PCBP3: variants seen among roughly 807,000 people sequenced by gnomAD.
The protein encoded by PCBP3 is poly(rC) binding protein 3.
A neutral mutation model predicts 52.7 loss-of-function variants in PCBP3; 25 were observed. The ratio of observed to expected loss-of-function variants is 0.47; its 90% CI spans 0.35 to 0.66. The LOEUF is 0.66. PCBP3 is among the 30% of genes least tolerant of loss of function. The probability of loss-of-function intolerance (pLI) is 0.01; values close to 1 mark genes in which losing one functional copy is unlikely to be tolerated. For synonymous variants in PCBP3, 162 were observed against 183.0 expected (o/e 0.89, Z 0.93); for missense variants, 391 against 490.3 (o/e 0.80, Z 1.91).
At chr21:45,810,968 A>G (rs920182885) in intron 4 of PCBP3, among the ~76,000 whole-genome samples, 2 of 152,194 alleles carry the variant, frequency 1.3e-5, no homozygotes, top group Non-Finnish European at 2.9e-5. Flanking sequence ...ATAATCTCAC[A>G]TTATCATTTT....
At chr21:45,896,172 C>A in intron 5 of PCBP3, 36 bp from the exon 6 acceptor site, 2 of 1,547,694 alleles carry the variant, frequency 1.3e-6, no homozygotes, top group South Asian at 2.4e-5. Context: ...GTCCGTGAGA[C>A]TCTTCTCTAG....
intron 11 of PCBP3, chr21:45,911,438 C>T (rs1307472621): frequency 2.8e-5 from 8 of 286,978 alleles, no homozygotes; most frequent in South Asian, 1.7e-4. Flanking sequence ...GGCTCCTCTG[C>T]GCATGCAGTT....
chr21:45,915,503 A>C (rs2073237760), intron 12 of PCBP3: 1 of 152,210 alleles, frequency 6.6e-6, no homozygotes, highest in African/African-American at 2.4e-5. Flanking sequence ...GTTTATACAA[A>C]CACATGTGGG....
In PCBP3 at chr21:45,791,070, T is replaced by A. The variant is rs2091512121; in HGVS notation, c.-126+35618T>A. On this transcript the variant is annotated intron_variant, in intron 4 of 17. Transcript: ENST00000681687. This position sits in a 1 kb window ranked among gnomAD's most constrained non-coding sequence, Gnocchi z 4.2. ...ATGGGGGTGGGCTCAGTAGAGGGGC[T>A]GGCTGGCCCACCGAGGCCAGCATCT... 6.6e-6 allele frequency among the ~76,000 whole-genome samples: 1 copy of A among 152,074 alleles called. No homozygotes were observed. Among genetic ancestry groups the A allele is most frequent in the Admixed American group, 6.5e-5 (1 of 15,276 alleles).
rs952277475 is a variant in PCBP3 at position 45,802,223 on chromosome 21, T to C, written c.-126+46771T>C. ...GCTGGGCGCTGTTTCTGCCCTGTCA[T>C]GCAAGTGGGCTGGGTGCAGAGGCTC... On this transcript the variant is annotated intron_variant, in intron 4 of 17. Coordinates refer to ENST00000681687, the MANE Select transcript of PCBP3 (RefSeq NM_001384156.1). The surrounding 1 kb of genome is among the most constrained non-coding windows in gnomAD (Gnocchi z 5.1). 3.3e-5 allele frequency among the ~76,000 whole-genome samples: 5 copies of C among 152,174 alleles called. No homozygotes were observed. Among genetic ancestry groups the C allele is most frequent in the Non-Finnish European group, 7.4e-5 (5 of 68,026 alleles).
intron 2 of PCBP3, among the ~76,000 whole-genome samples, chr21:45,686,379 C>G (rs2082154036): frequency 6.6e-6 from 1 of 152,164 alleles, no homozygotes; most frequent in Non-Finnish European, 1.5e-5. Context: ...GTAAAAGATA[C>G]TGTACATCCA....
At chr21:45,662,903 G>T (rs868602565) in intron 1 of PCBP3, among the ~76,000 whole-genome samples, 1 of 152,028 alleles carries the variant, frequency 6.6e-6, no homozygotes, top group African/African-American at 2.4e-5. Context: ...ACTGGGAAAG[G>T]GAGTCTCCCT....
chr21:45,941,596 C>T lies in PCBP3; in HGVS notation c.1080-74C>T, dbSNP rs147217032. 1,054 of 1,380,268 alleles carry T rather than the reference C, an allele frequency of 7.6e-4. 8 individuals are homozygous for T. The African/African-American group carries it at 0.013, about 18-fold the overall frequency. 85.5% of individuals were successfully genotyped at this position (1,380,268 alleles called of 1,614,324 possible). A position where few individuals can be genotyped will look rare whatever the true frequency, so the allele number is the denominator to read the frequency against. On this transcript the variant is annotated intron_variant, in intron 17 of 17. Coordinates refer to ENST00000681687, the MANE Select transcript of PCBP3 (RefSeq NM_001384156.1). ...CAGCGAGCACAGAGGCCACACAGCC[C>T]GGCCTCACGTCTGCCCACTGATGAG...
At chr21:45,738,705 C>T (rs974277364) in intron 3 of PCBP3, among the ~76,000 whole-genome samples, 1 of 152,012 alleles carries the variant, frequency 6.6e-6, no homozygotes, top group Non-Finnish European at 1.5e-5. Flanking sequence ...GTCCATGGCC[C>T]CCTGGGTAGC....
In PCBP3 at chr21:45,917,584, C is replaced by G; in HGVS notation, c.676-4C>G. The G allele has an allele frequency of 1.2e-6, 2 of 1,612,346 alleles. No homozygotes were observed. The highest frequency in any genetic ancestry group is 1.7e-6 in the Non-Finnish European group (2 of 1,178,668). On this transcript the variant is annotated splice_region_variant and splice_polypyrimidine_tract_variant and intron_variant, in intron 12 of 17. Coordinates refer to ENST00000681687, the MANE Select transcript of PCBP3 (RefSeq NM_001384156.1). The surrounding 1 kb of genome is among the most constrained non-coding windows in gnomAD (Gnocchi z 5.3). Reference sequence around the variant, plus strand: ...AGTCTGACGGGGTCTCTCTCTCTCTCTAGGCCTACACAATCCAGGGACAGT... The same window carrying G: ...AGTCTGACGGGGTCTCTCTCTCTCTGTAGGCCTACACAATCCAGGGACAGT...
At chr21:45,885,298 C>T (rs545764871) in intron 5 of PCBP3, among the ~76,000 whole-genome samples, 2 of 152,262 alleles carry the variant, frequency 1.3e-5, no homozygotes, top group East Asian at 3.9e-4. Context: ...TCATGTCCCT[C>T]TTGCTGCTTG....
chr21:45,809,588 C>A (rs905126165), intron 4 of PCBP3, among the ~76,000 whole-genome samples: 9 of 152,190 alleles, frequency 5.9e-5, no homozygotes, highest in African/African-American at 2.2e-4. Flanking sequence ...AGGAGCTGAT[C>A]TGAGCAGGGC....
chr21:45,824,759 G>A (rs946845133), intron 4 of PCBP3, among the ~76,000 whole-genome samples: 2 of 152,200 alleles, frequency 1.3e-5, no homozygotes, highest in Non-Finnish European at 2.9e-5. Context: ...GCTCCCCACT[G>A]TGCATCCACC....
chr21:45,910,209 A>ACC (rs1386540906), intron 10 of PCBP3, among the ~76,000 whole-genome samples: 2 of 30,738 alleles, frequency 6.5e-5, no homozygotes, highest in African/African-American at 1.3e-4. Context: ...CCAGATACGG[A>ACC]CCCCCCACCC....
At chr21:45,666,370 TAGG>T (rs984913977) in intron 1 of PCBP3, among the ~76,000 whole-genome samples, 9 of 147,868 alleles carry the variant, frequency 6.1e-5, no homozygotes, top group African/African-American at 2.1e-4. Context: ...TTAAATCAAG[TAGG>T]AGGAAAGGGT....
chr21:45,783,368 A>G (rs888136530), intron 4 of PCBP3, among the ~76,000 whole-genome samples: 2 of 152,192 alleles, frequency 1.3e-5, no homozygotes, highest in African/African-American at 4.8e-5. Flanking sequence ...CACAATTTTC[A>G]TGGTAGAAAA....
intron 1 of PCBP3, among the ~76,000 whole-genome samples, chr21:45,652,528 C>G (rs1469341959): frequency 6.6e-6 from 1 of 150,880 alleles, no homozygotes; most frequent in Admixed American, 6.6e-5. Flanking sequence ...GCAACCTCCT[C>G]TTTCCGGGTT....
chr21:45,897,871 C>T (rs1001258009), intron 6 of PCBP3, among the ~76,000 whole-genome samples: 1 of 152,220 alleles, frequency 6.6e-6, no homozygotes. Context: ...CCAGTTCCAG[C>T]CCCACAGCAC....
In PCBP3 at chr21:45,741,980, C is replaced by T. The variant is rs150773984; in HGVS notation, c.-162+6551C>T. On this transcript the variant is annotated intron_variant, in intron 3 of 17. Coordinates refer to ENST00000681687, the MANE Select transcript of PCBP3 (RefSeq NM_001384156.1). This position sits in a 1 kb window ranked among gnomAD's most constrained non-coding sequence, Gnocchi z 4.5. Reference sequence around the variant, plus strand: ...ATTCAGTACACACTTTCGTGCCCTGCTTTTTAACTGAATAGTATTCTGCAA... The same window carrying T: ...ATTCAGTACACACTTTCGTGCCCTGTTTTTTAACTGAATAGTATTCTGCAA... Among the ~76,000 whole-genome samples the T allele has an allele frequency of 3.9e-5, 6 of 152,360 alleles. No individual in the cohort carries two copies. In the East Asian group the frequency reaches 1.2e-3, roughly 29 times the overall value.
Sources: gnomAD v4.1 joint callset for allele counts (sites outside exome capture counted in the v4.1 genomes callset) on GRCh38, gnomAD v4.1.1 for gene constraint, Gnocchi (gnomAD v3.1) non-coding constraint, MANE v1.5 for transcripts, NCBI Gene and HGNC (gene_info 2026-07-23, HGNC 2026-07-21) for gene names.